Variants in BRIP1 observed in about 807,000 individuals in gnomAD.
BRIP1 encodes the protein Fanconi anemia group J protein.
A neutral mutation model predicts 119.7 loss-of-function variants in BRIP1; 88 were observed. The observed-to-expected ratio is 0.74, with a 90% CI of 0.62 to 0.88. The LOEUF (loss-of-function observed/expected upper bound fraction) is 0.88. Ranked by LOEUF, BRIP1 falls within the 40% of genes least tolerant of loss-of-function variation. The pLI, the probability that BRIP1 is intolerant of heterozygous loss-of-function variation, is 0.00. For missense variants in BRIP1, 1,259 were observed against 1,455.4 expected (o/e 0.87, Z 2.20); for synonymous variants, 443 against 496.5 (o/e 0.89, Z 1.43).
chr17:61,782,310 C>G (rs188513341), intron 11 of BRIP1, among the ~76,000 whole-genome samples: 4 of 143,720 alleles, frequency 2.8e-5, no homozygotes, highest in Admixed American at 7.3e-5. Context: ...GGCATGAACC[C>G]GGGAGGCTGA....
Position 61,684,522 on chromosome 17 carries a change from C to A in BRIP1, c.2906-382G>T, listed in dbSNP as rs962644988. Among the ~76,000 whole-genome samples, 2 of 152,078 alleles carry A rather than the reference C, an allele frequency of 1.3e-5. No individual in the cohort carries two copies. The highest frequency in any genetic ancestry group is 3.9e-4 in the East Asian group (2 of 5,190). ...TGAGAAAAACTTACCTAGACTAATT[C>A]TTTTATTTAATAAATAAGGAAAGTG... is the stretch of plus-strand genomic sequence containing the variant. On this transcript the variant is annotated intron_variant, in intron 19 of 19. Coordinates refer to ENST00000259008, the MANE Select transcript of BRIP1 (RefSeq NM_032043.3). The surrounding 1 kb of genome is among the most constrained non-coding windows in gnomAD (Gnocchi z 4.5).
chr17:61,731,987 T>C (rs905986945), intron 16 of BRIP1, among the ~76,000 whole-genome samples: 1 of 136,046 alleles, frequency 7.4e-6, no homozygotes, highest in Non-Finnish European at 1.6e-5. Context: ...CTTTCTTTTT[T>C]TTTTTTTTTT....
intron 16 of BRIP1, among the ~76,000 whole-genome samples, chr17:61,732,598 C>T (rs1603299982): frequency 6.6e-6 from 1 of 152,100 alleles, no homozygotes; most frequent in African/African-American, 2.4e-5. Flanking sequence ...GCATCTTGTT[C>T]ATTTTTACAC....
intron 8 of BRIP1, among the ~76,000 whole-genome samples, 167 bp downstream of exon 8, chr17:61,801,086 T>C (rs571822893): frequency 2.0e-5 from 3 of 152,282 alleles, no homozygotes; most frequent in Admixed American, 2.0e-4. Flanking sequence ...AATGAGTGGG[T>C]TGATTTTAAC....
In BRIP1 at chr17:61,843,662, CTCTT is replaced by C. The variant is rs1193247133; in HGVS notation, c.627+3435_627+3438del. Reference sequence around the variant, plus strand: ...TCTTTCCATGTGACAAGTTTGCTCTCTCTTTGTCTTCTGGCATGCTTGTAAGCTT... The same window carrying C: ...TCTTTCCATGTGACAAGTTTGCTCTCTGTCTTCTGGCATGCTTGTAAGCTT... On this transcript the variant is annotated intron_variant, in intron 6 of 19. Transcript: ENST00000259008. The surrounding 1 kb of genome is among the most constrained non-coding windows in gnomAD (Gnocchi z 5.7). Among the ~76,000 whole-genome samples the C allele has an allele frequency of 1.3e-5, 2 of 152,120 alleles. No individual in the cohort carries two copies. The highest frequency in any genetic ancestry group is 4.8e-5 in the African/African-American group (2 of 41,426).
Position 61,831,952 on chromosome 17 carries a change from G to A in BRIP1, c.627+15149C>T, listed in dbSNP as rs2078499209. On this transcript the variant is annotated intron_variant, in intron 6 of 19. Coordinates refer to ENST00000259008, the MANE Select transcript of BRIP1 (RefSeq NM_032043.3). The surrounding 1 kb of genome is among the most constrained non-coding windows in gnomAD (Gnocchi z 4.1). ...ATACAGAAAAAATATAGACATAAAT[G>A]TATATGTCTATGAGTCTGGGTTTGT... Among the ~76,000 whole-genome samples, 1 of 152,092 alleles carries A rather than the reference G, an allele frequency of 6.6e-6. No homozygotes were observed. The highest frequency in any genetic ancestry group is 1.5e-5 in the Non-Finnish European group (1 of 68,030).
Position 61,834,037 on chromosome 17 carries a change from C to T in BRIP1, c.627+13064G>A, listed in dbSNP as rs529134490. On this transcript the variant is annotated intron_variant, in intron 6 of 19. Coordinates refer to ENST00000259008, the MANE Select transcript of BRIP1 (RefSeq NM_032043.3). This position sits in a 1 kb window ranked among gnomAD's most constrained non-coding sequence, Gnocchi z 4.4. ...AATATGTATAAACAAATGTAAAATG[C>T]GTTCAAAAAAACTTTATTTATAAAA... Among the ~76,000 whole-genome samples the T allele has an allele frequency of 2.6e-5, 4 of 152,092 alleles. No homozygotes were observed. Among genetic ancestry groups the T allele is most frequent in the Middle Eastern group, 3.4e-3 (1 of 294 alleles).
rs1158877982 is a variant in BRIP1, at chr17:61,743,700, G to T, written c.2258-566C>A. ...TTTTTATTTTATTTTATTATTTTTT[G>T]TGTGTGAGACAGGGTCTCACTCTGT... On this transcript the variant is annotated intron_variant, in intron 15 of 19. Transcript: ENST00000259008. This position sits in a 1 kb window ranked among gnomAD's most constrained non-coding sequence, Gnocchi z 4.3. Among the ~76,000 whole-genome samples the T allele has an allele frequency of 6.6e-6, 1 of 151,498 alleles. No homozygotes were observed. Among genetic ancestry groups the T allele is most frequent in the Non-Finnish European group, 1.5e-5 (1 of 67,908 alleles).
chr17:61,811,182 A>G (rs1603348419), intron 6 of BRIP1, among the ~76,000 whole-genome samples: 1 of 152,158 alleles, frequency 6.6e-6, no homozygotes, highest in East Asian at 1.9e-4. Flanking sequence ...TATGAACTTA[A>G]GTAGACTCCT....
chr17:61,773,641 G>A (rs2077491535), intron 14 of BRIP1, among the ~76,000 whole-genome samples: 1 of 151,876 alleles, frequency 6.6e-6, no homozygotes, highest in South Asian at 2.1e-4. Context: ...CATTCTGTAG[G>A]CTCCCATCCC....
At chr17:61,694,969 T>C (rs1194960462) in intron 17 of BRIP1, among the ~76,000 whole-genome samples, 1 of 151,500 alleles carries the variant, frequency 6.6e-6, no homozygotes, top group Non-Finnish European at 1.5e-5. Flanking sequence ...CATATGTGAG[T>C]TGTCTTTTCC....
rs1483529052 is a variant in BRIP1, at chr17:61,822,449, GT to G, written c.628-13693del. On this transcript the variant is annotated intron_variant, in intron 6 of 19. Transcript: ENST00000259008. The surrounding 1 kb of genome is among the most constrained non-coding windows in gnomAD (Gnocchi z 4.4). ...TTGTCGTACTAATAGATCCAGTTAT[GT>G]GCCCTCTGGGAAAAATGCACCAAAA... Among the ~76,000 whole-genome samples the G allele has an allele frequency of 6.6e-6, 1 of 152,090 alleles. No homozygotes were observed. Among genetic ancestry groups the G allele is most frequent in the East Asian group, 1.9e-4 (1 of 5,194 alleles).
At position 61,856,945 on chromosome 17, in the gene BRIP1, T is replaced by TA. The variant is rs746140194; in HGVS notation, c.379+112dup. 4.2e-5 allele frequency: 43 copies of TA among 1,020,294 alleles called. 2 individuals are homozygous for TA. The highest frequency in any genetic ancestry group is 2.7e-4 in the East Asian group (11 of 41,432). The allele number at this position is 1,020,294 out of a possible 1,614,324, so 63.2% of individuals were successfully genotyped here. A position where few individuals can be genotyped will look rare whatever the true frequency, so the allele number is the denominator to read the frequency against. ...TTAAAATCATTCCAGAGAAACTAGA[T>TA]AGAGATATATAATCAGTTATGCTAA... is the stretch of plus-strand genomic sequence containing the variant. On this transcript the variant is annotated intron_variant, in intron 4 of 19. Coordinates refer to ENST00000259008, the MANE Select transcript of BRIP1 (RefSeq NM_032043.3). This position sits in a 1 kb window ranked among gnomAD's most constrained non-coding sequence, Gnocchi z 5.1.
rs1475854180 is a variant in BRIP1 at position 61,726,271 on chromosome 17, T to C, written c.2380-10208A>G. On this transcript the variant is annotated intron_variant, in intron 16 of 19. Coordinates refer to ENST00000259008, the MANE Select transcript of BRIP1 (RefSeq NM_032043.3). The surrounding 1 kb of genome is among the most constrained non-coding windows in gnomAD (Gnocchi z 6.2). ...TGTGTGCCAACCTTACCTTAGAGAATTGGTTGAAGAAATAAATGACAATAT... is the reference window on the plus strand; with the variant it reads ...TGTGTGCCAACCTTACCTTAGAGAACTGGTTGAAGAAATAAATGACAATAT... 1.3e-5 allele frequency among the ~76,000 whole-genome samples: 2 copies of C among 152,174 alleles called. No homozygotes were observed. The highest frequency in any genetic ancestry group is 2.4e-5 in the African/African-American group (1 of 41,440).
intron 4 of BRIP1, among the ~76,000 whole-genome samples, chr17:61,855,303 C>T (rs1409625079): frequency 2.6e-5 from 4 of 152,066 alleles, no homozygotes; most frequent in East Asian, 1.9e-4. Context: ...TTAGGCTGGG[C>T]GTGGTCGCTC....
At chr17:61,830,823 G>T (rs1440813850) in intron 6 of BRIP1, among the ~76,000 whole-genome samples, 1 of 152,120 alleles carries the variant, frequency 6.6e-6, no homozygotes, top group Non-Finnish European at 1.5e-5. Flanking sequence ...AGACATTACA[G>T]AAAACTATAG....
chr17:61,780,571 T>C lies in BRIP1; in HGVS notation c.1795-170A>G, dbSNP rs962609808. 2.0e-5 allele frequency among the ~76,000 whole-genome samples: 3 copies of C among 151,854 alleles called. No homozygotes were observed. Among genetic ancestry groups the C allele is most frequent in the Admixed American group, 6.6e-5 (1 of 15,246 alleles). ...GGTGAAACCCCGTCTCTACAAAAAATACAAAAATTAGCCGGGCATGGTGAC... is the reference window on the plus strand; with the variant it reads ...GGTGAAACCCCGTCTCTACAAAAAACACAAAAATTAGCCGGGCATGGTGAC... On this transcript the variant is annotated intron_variant, in intron 12 of 19. Transcript: ENST00000259008. This position sits in a 1 kb window ranked among gnomAD's most constrained non-coding sequence, Gnocchi z 5.4.
At chr17:61,837,641 C>G (rs1031535116) in intron 6 of BRIP1, among the ~76,000 whole-genome samples, 5 of 151,834 alleles carry the variant, frequency 3.3e-5, no homozygotes, top group Admixed American at 3.3e-4. Context: ...ATAAATAAAT[C>G]TAGAGAAAAT....
At chr17:61,820,855 C>CA (rs780014898) in intron 6 of BRIP1, among the ~76,000 whole-genome samples, 70 of 151,414 alleles carry the variant, frequency 4.6e-4, no homozygotes, top group Non-Finnish European at 8.8e-4. Context: ...GAGGCTGGGG[C>CA]AGGAGAATCA....
Sources: allele counts gnomAD v4.1 joint callset (sites outside exome capture counted in the v4.1 genomes callset), GRCh38; gene constraint gnomAD v4.1.1; non-coding constraint Gnocchi (gnomAD v3.1); transcripts MANE v1.5; gene names NCBI Gene and HGNC (gene_info 2026-07-23, HGNC 2026-07-21).